OSBPL10: variants seen among roughly 807,000 people sequenced by gnomAD.
OSBPL10 encodes oxysterol binding protein like 10, also known as oxysterol-binding protein-related protein 10.
In OSBPL10, 49 loss-of-function variants were observed where a neutral mutation model predicts 81.7. The ratio of observed to expected loss-of-function variants is 0.60; its 90% CI spans 0.48 to 0.76. The LOEUF (loss-of-function observed/expected upper bound fraction) is 0.76, where lower values mean the gene tolerates loss of function less well. OSBPL10 is among the 30% of genes least tolerant of loss of function. The pLI is 0.00. For synonymous variants in OSBPL10, 419 were observed against 383.6 expected (o/e 1.09, Z -1.08); for missense variants, 923 against 987.8 (o/e 0.93, Z 0.88).
intron 1 of OSBPL10, among the ~76,000 whole-genome samples, chr3:31,965,805 T>A (rs1490812402): frequency 3.1e-5 from 2 of 63,948 alleles, no homozygotes; most frequent in African/African-American, 2.5e-4. Flanking sequence ...ATATTATCTA[T>A]TTATATAATA....
intron 1 of OSBPL10, among the ~76,000 whole-genome samples, chr3:31,901,730 A>G (rs540444392): frequency 2.6e-5 from 4 of 152,334 alleles, no homozygotes; most frequent in African/African-American, 9.6e-5. Flanking sequence ...GCTGCTCGGT[A>G]TCTAGCACAA....
intron 3 of OSBPL10, among the ~76,000 whole-genome samples, chr3:31,875,323 A>C (rs139687001): frequency 6.6e-6 from 1 of 152,150 alleles, no homozygotes; most frequent in East Asian, 1.9e-4. Context: ...GTAAAGACAC[A>C]TATAAAAAGA....
At chr3:31,895,725 A>G (rs1446363614) in intron 1 of OSBPL10, among the ~76,000 whole-genome samples, 1 of 152,188 alleles carries the variant, frequency 6.6e-6, no homozygotes, top group African/African-American at 2.4e-5. Flanking sequence ...ATATTTAGTA[A>G]CTGAGGATAC....
At chr3:31,698,762 G>A (rs1695805012) in intron 7 of OSBPL10, among the ~76,000 whole-genome samples, 3 of 152,078 alleles carry the variant, frequency 2.0e-5, no homozygotes, top group Admixed American at 2.0e-4. Context: ...ATTTAAATCT[G>A]GTCTCCACTA....
At chr3:31,673,263 A>G (rs1044009012) in intron 8 of OSBPL10, among the ~76,000 whole-genome samples, 5 of 152,198 alleles carry the variant, frequency 3.3e-5, no homozygotes, top group African/African-American at 1.2e-4. Flanking sequence ...TTGGAGAAGA[A>G]TGGCCAAGTC....
intron 4 of OSBPL10, among the ~76,000 whole-genome samples, chr3:31,774,616 G>T (rs1337468610): frequency 6.6e-6 from 1 of 151,898 alleles, no homozygotes; most frequent in Non-Finnish European, 1.5e-5. Flanking sequence ...AGGTTCAAGC[G>T]ATTCTCCTGC....
intron 3 of OSBPL10, among the ~76,000 whole-genome samples, chr3:31,869,986 C>T (rs1407245759): frequency 6.6e-6 from 1 of 152,248 alleles, no homozygotes; most frequent in East Asian, 1.9e-4. Flanking sequence ...CGCCTGCTCT[C>T]GGCACCTCCT....
intron 4 of OSBPL10, among the ~76,000 whole-genome samples, chr3:31,788,985 TTTTTTG>T (rs1296274294): frequency 1.3e-5 from 2 of 151,990 alleles, no homozygotes; most frequent in African/African-American, 4.8e-5. Flanking sequence ...TTTTGTTTTG[TTTTTTG>T]TTTTTGAGAC....
chr3:31,799,379 T>TAAAAAA (rs61157535), intron 4 of OSBPL10, among the ~76,000 whole-genome samples: 13 of 56,240 alleles, frequency 2.3e-4, no homozygotes, highest in African/African-American at 4.4e-4. Context: ...CCTATCTCTT[T>TAAAAAA]AAAAAAAAAA....
intron 4 of OSBPL10, among the ~76,000 whole-genome samples, chr3:31,783,146 T>TATATATATATATATATATATATACAC (rs1485968747): frequency 2.7e-5 from 3 of 113,010 alleles, no homozygotes; most frequent in African/African-American, 1.2e-4. Context: ...TATATATATA[T>TATATATATATATATATATATATACAC]ACACACACAC....
intron 1 of OSBPL10, among the ~76,000 whole-genome samples, chr3:31,960,980 C>G (rs1273478085): frequency 6.6e-6 from 1 of 151,170 alleles, no homozygotes; most frequent in Non-Finnish European, 1.5e-5. Flanking sequence ...ATGGTGTAAA[C>G]CACCTAGCAG....
At chr3:31,952,701 A>C (rs1362214577) in intron 1 of OSBPL10, among the ~76,000 whole-genome samples, 1 of 152,188 alleles carries the variant, frequency 6.6e-6, no homozygotes, top group Non-Finnish European at 1.5e-5. Context: ...CCTGTGTTAG[A>C]ATGTCCCCCC....
intron 1 of OSBPL10, among the ~76,000 whole-genome samples, chr3:31,966,063 G>GCACT: frequency 6.9e-6 from 1 of 144,898 alleles, no homozygotes; most frequent in East Asian, 2.0e-4. Flanking sequence ...GGGAGGCCAA[G>GCACT]GTGGGAGGAT....
intron 1 of OSBPL10, among the ~76,000 whole-genome samples, chr3:31,958,384 G>A (rs1232524562): frequency 6.6e-6 from 1 of 152,052 alleles, no homozygotes; most frequent in Non-Finnish European, 1.5e-5. Context: ...GTATGTTTTA[G>A]GCCTCACTAG....
intron 2 of OSBPL10, 56 bp downstream of exon 2, chr3:31,879,599 G>C: frequency 1.3e-6 from 2 of 1,525,192 alleles, no homozygotes; most frequent in East Asian, 4.6e-5. Flanking sequence ...AAACAAGAGA[G>C]CCATCACCAT....
intron 1 of OSBPL10, among the ~76,000 whole-genome samples, chr3:31,970,759 G>C (rs1424341803): frequency 2.0e-5 from 3 of 152,140 alleles, no homozygotes; most frequent in Non-Finnish European, 4.4e-5. Context: ...GACATTTTGT[G>C]ATCTGTGGTC....
At chr3:31,964,038 G>A (rs1054123134) in intron 1 of OSBPL10, among the ~76,000 whole-genome samples, 19 of 152,128 alleles carry the variant, frequency 1.2e-4, no homozygotes, top group Non-Finnish European at 7.4e-5. Flanking sequence ...GGAATGTCTT[G>A]GGAGACACAG....
At chr3:31,684,877 G>C (rs1343269052) in intron 7 of OSBPL10, among the ~76,000 whole-genome samples, 1 of 151,880 alleles carries the variant, frequency 6.6e-6, no homozygotes, top group Non-Finnish European at 1.5e-5. Context: ...TAAAGGACTG[G>C]CAGAGTGGCT....
chr3:31,786,942 T>G (rs899357743), intron 4 of OSBPL10, among the ~76,000 whole-genome samples: 1 of 152,184 alleles, frequency 6.6e-6, no homozygotes, highest in Non-Finnish European at 1.5e-5. Flanking sequence ...CCTTATTAGA[T>G]GCAATTTCAG....
Sources: gnomAD v4.1 joint callset for allele counts (sites outside exome capture counted in the v4.1 genomes callset) on GRCh38, gnomAD v4.1.1 for gene constraint, MANE v1.5 for transcripts, NCBI Gene and HGNC (gene_info 2026-07-23, HGNC 2026-07-21) for gene names.